Variants in FER observed in about 807,000 individuals in gnomAD.
FER encodes tyrosine-protein kinase Fer.
FER carries 63 observed loss-of-function variants against 111.0 expected under a neutral mutation model. The ratio of observed to expected loss-of-function variants is 0.57; its 90% CI spans 0.46 to 0.70. The LOEUF (loss-of-function observed/expected upper bound fraction) is 0.70, where lower values mean the gene tolerates loss of function less well. FER is among the 30% of genes least tolerant of loss of function. The pLI is 0.00. For missense variants in FER, 914 were observed against 954.0 expected (o/e 0.96, Z 0.55); for synonymous variants, 327 against 313.9 (o/e 1.04, Z -0.44).
At chr5:109,157,213 A>G (rs1336675134) in intron 17 of FER, among the ~76,000 whole-genome samples, 6 of 152,162 alleles carry the variant, frequency 3.9e-5, no homozygotes, top group Non-Finnish European at 8.8e-5. Flanking sequence ...TATATACACA[A>G]TTAAATTGAA....
At chr5:109,040,010 A>T (rs1318282600) in intron 14 of FER, among the ~76,000 whole-genome samples, 1 of 152,086 alleles carries the variant, frequency 6.6e-6, no homozygotes, top group Admixed American at 6.6e-5. Context: ...TTCTGGATGT[A>T]CTTTTGAAAT....
chr5:108,936,262 C>T (rs571220257), intron 10 of FER, among the ~76,000 whole-genome samples: 8 of 152,042 alleles, frequency 5.3e-5, no homozygotes, highest in Admixed American at 2.6e-4. Flanking sequence ...ATAAAAAATA[C>T]AATTTTAATA....
At chr5:108,831,950 C>T (rs145181922) in intron 3 of FER, among the ~76,000 whole-genome samples, 7 of 151,562 alleles carry the variant, frequency 4.6e-5, no homozygotes, top group Admixed American at 3.3e-4. Context: ...AATACTATAG[C>T]GAAGAGGATT....
rs1445603724 is a variant in FER at position 109,194,381 on chromosome 5, T to C, written c.*6806T>C. The C allele has an allele frequency of 6.6e-6, 1 of 152,188 alleles. No individual in the cohort carries two copies. Among genetic ancestry groups the C allele is most frequent in the African/African-American group, 2.4e-5 (1 of 41,458 alleles). The allele number at this position is 152,188 out of a possible 1,614,324, so 9.4% of individuals were successfully genotyped here. A position where few individuals can be genotyped will look rare whatever the true frequency, so the allele number is the denominator to read the frequency against. On this transcript the variant is annotated 3_prime_UTR_variant, in exon 20 of 20. Coordinates refer to ENST00000281092, the MANE Select transcript of FER (RefSeq NM_005246.4). ...CTAGAAATACAGACCCCAGAGCACA[T>C]TGCATGAAAATACCTGTACTCTGCA... is the stretch of plus-strand genomic sequence containing the variant.
intron 9 of FER, among the ~76,000 whole-genome samples, chr5:108,893,136 G>A (rs974101023): frequency 7.9e-5 from 12 of 152,134 alleles, no homozygotes; most frequent in African/African-American, 2.9e-4. Context: ...GCTTAGGATT[G>A]ACTTGGCGAT....
rs1316034068 is a variant in FER, at chr5:109,189,072, A to G, written c.*1497A>G. On this transcript the variant is annotated 3_prime_UTR_variant, in exon 20 of 20. Transcript: ENST00000281092. Reference sequence around the variant, plus strand: ...ATACTGCCCCCTGGACATTCTTACCATTAGCTGACAGGTATGCAAGCAGAG... The same window carrying G: ...ATACTGCCCCCTGGACATTCTTACCGTTAGCTGACAGGTATGCAAGCAGAG... 1.3e-5 allele frequency: 2 copies of G among 152,160 alleles called. No individual in the cohort carries two copies. Among genetic ancestry groups the G allele is most frequent in the African/African-American group, 4.8e-5 (2 of 41,434 alleles). 9.4% of individuals were successfully genotyped at this position (152,160 alleles called of 1,614,324 possible).
intron 17 of FER, among the ~76,000 whole-genome samples, chr5:109,142,433 G>A (rs1181365985): frequency 6.6e-6 from 1 of 152,044 alleles, no homozygotes; most frequent in East Asian, 1.9e-4. Context: ...AAACAGGCAG[G>A]CTCCATCTGG....
intron 13 of FER, among the ~76,000 whole-genome samples, chr5:108,960,107 A>G (rs1021117775): frequency 7.2e-5 from 11 of 152,116 alleles, no homozygotes; most frequent in African/African-American, 2.4e-4. Flanking sequence ...TAGAAATAGG[A>G]AAGCCACACA....
chr5:108,924,360 CAAAA>C (rs59469649), intron 10 of FER, among the ~76,000 whole-genome samples: 5,809 of 98,996 alleles, frequency 0.059, 181 homozygotes, highest in South Asian at 0.17. Flanking sequence ...AACTCTGTCT[CAAAA>C]AAAAAAAAAA....
At chr5:109,019,694 A>T (rs1237156829) in intron 13 of FER, among the ~76,000 whole-genome samples, 1 of 151,736 alleles carries the variant, frequency 6.6e-6, no homozygotes, top group Non-Finnish European at 1.5e-5. Flanking sequence ...AATTGTAATA[A>T]CTTTATAAAG....
At chr5:109,012,284 C>T (rs552491852) in intron 13 of FER, among the ~76,000 whole-genome samples, 2 of 152,212 alleles carry the variant, frequency 1.3e-5, no homozygotes, top group African/African-American at 4.8e-5. Context: ...TACAACTCAG[C>T]CGGTTTAGTG....
intron 10 of FER, among the ~76,000 whole-genome samples, chr5:108,905,165 C>T (rs1363223324): frequency 6.6e-6 from 1 of 152,044 alleles, no homozygotes; most frequent in East Asian, 1.9e-4. Context: ...CACTCTTTTT[C>T]ATTAGGCCAC....
In FER at chr5:108,893,988, C is replaced by T. The variant is rs868193096; in HGVS notation, c.1047-3671C>T. Among the ~76,000 whole-genome samples, 10 of 148,656 alleles carry T rather than the reference C, an allele frequency of 6.7e-5. No homozygotes were observed. The South Asian group carries it at 8.5e-4, about 13-fold the overall frequency. ...AAGAGGTTTTTTTTTTTTTTTTTCCCCTGCATCATAAATTTTATTCCTGAT... is the reference window on the plus strand; with the variant it reads ...AAGAGGTTTTTTTTTTTTTTTTTCCTCTGCATCATAAATTTTATTCCTGAT... On this transcript the variant is annotated intron_variant, in intron 9 of 19. Transcript: ENST00000281092.
chr5:108,879,575 G>A (rs2070379303), intron 8 of FER, among the ~76,000 whole-genome samples: 2 of 150,722 alleles, frequency 1.3e-5, no homozygotes, highest in African/African-American at 2.4e-5. Flanking sequence ...TACATGAACT[G>A]TAATTACTCA....
intron 17 of FER, among the ~76,000 whole-genome samples, chr5:109,147,165 C>CA (rs982011936): frequency 5.3e-5 from 8 of 151,070 alleles, no homozygotes; most frequent in African/African-American, 1.9e-4. Context: ...TATTAATATA[C>CA]AAAAAATTAA....
At chr5:108,797,528 T>G (rs1477947372) in intron 2 of FER, among the ~76,000 whole-genome samples, 3 of 152,154 alleles carry the variant, frequency 2.0e-5, no homozygotes, top group Non-Finnish European at 4.4e-5. Flanking sequence ...AGCAGTGAGT[T>G]TATTGCAAAG....
chr5:109,028,136 A>G (rs984856808), intron 13 of FER, among the ~76,000 whole-genome samples: 4 of 152,176 alleles, frequency 2.6e-5, no homozygotes, highest in Non-Finnish European at 5.9e-5. Flanking sequence ...AGATTACATA[A>G]AGATTATACA....
At position 109,099,244 on chromosome 5, in the gene FER, G is replaced by C. The variant is rs1193490920; in HGVS notation, c.1925-1152G>C. 3.3e-5 allele frequency among the ~76,000 whole-genome samples: 5 copies of C among 151,502 alleles called. No homozygotes were observed. In the South Asian group the frequency reaches 1.0e-3, roughly 31 times the overall value. Reference sequence around the variant, plus strand: ...TAAGCCAAAGCTTTGAATGTTAAGAGTGAATGCAAAGTTTATGGTTGCATT... The same window carrying C: ...TAAGCCAAAGCTTTGAATGTTAAGACTGAATGCAAAGTTTATGGTTGCATT... On this transcript the variant is annotated intron_variant, in intron 16 of 19. Coordinates refer to ENST00000281092, the MANE Select transcript of FER (RefSeq NM_005246.4).
At chr5:108,954,620 A>T (rs563102914) in intron 11 of FER, 109 bp from the exon 12 acceptor site, 1 of 847,878 alleles carries the variant, frequency 1.2e-6, no homozygotes, top group Non-Finnish European at 1.7e-6. Context: ...TAATTGGTCA[A>T]TTAAAGGGAG....
Sources: allele counts gnomAD v4.1 joint callset (sites outside exome capture counted in the v4.1 genomes callset), GRCh38; gene constraint gnomAD v4.1.1; transcripts MANE v1.5; gene names NCBI Gene and HGNC (gene_info 2026-07-23, HGNC 2026-07-21).